RMDN1: variants seen among roughly 807,000 people sequenced by gnomAD.
RMDN1 encodes the protein regulator of microtubule dynamics 1, also known as regulator of microtubule dynamics protein 1.
A neutral mutation model predicts 48.9 loss-of-function variants in RMDN1; 48 were observed. The ratio of observed to expected loss-of-function variants is 0.98; its 90% CI spans 0.78 to 1.25. The LOEUF is 1.25. RMDN1 is among the 50% of genes most tolerant of loss of function. The pLI is 0.00. For missense variants in RMDN1, 418 were observed against 373.4 expected, an observed-to-expected ratio of 1.12 and a Z score of -0.98; for synonymous variants, 148 against 132.6, an observed-to-expected ratio of 1.12 and a Z score of -0.80.
In RMDN1 at chr8:86,474,924, G is replaced by GT; in HGVS notation, c.789dup (p.Leu264ThrfsTer34). On this transcript the variant is annotated frameshift_variant, in exon 9 of 10. Coordinates refer to ENST00000406452, the MANE Select transcript of RMDN1 (RefSeq NM_016033.3). LOFTEE classifies it high-confidence loss of function. ...TTCAAGTATGTCTTTCCTAAAAGAA[G>GT]TAAGTTTTTGCTGTAGAAGTTTGGA... 5.0e-6 allele frequency: 8 copies of GT among 1,610,538 alleles called. No individual in the cohort carries two copies. The highest frequency in any genetic ancestry group is 6.8e-6 in the Non-Finnish European group (8 of 1,178,912).
chr8:86,508,637 G>A lies in RMDN1; in HGVS notation c.-17C>T. ...CAGCGCCATGACCTGCAACTTGCGG[G>A]CTGACCCTGCACTACTTCAGGCAGC... On this transcript the variant is annotated 5_prime_UTR_variant, in exon 1 of 10. Transcript: ENST00000406452. 6.3e-7 allele frequency: 1 copy of A among 1,594,408 alleles called. No homozygotes were observed. Among genetic ancestry groups the A allele is most frequent in the Non-Finnish European group, 8.5e-7 (1 of 1,171,252 alleles).
At chr8:86,476,441 CTGAT>C (rs917779527) in intron 8 of RMDN1, among the ~76,000 whole-genome samples, 7 of 152,042 alleles carry the variant, frequency 4.6e-5, no homozygotes, top group Admixed American at 2.0e-4. Context: ...ATGTCTTCTC[CTGAT>C]TAAGTTTTAT....
intron 2 of RMDN1, 113 bp downstream of exon 2, chr8:86,506,882 C>T: frequency 3.1e-6 from 2 of 638,926 alleles, no homozygotes; most frequent in South Asian, 2.2e-5. Context: ...TGAATATTTC[C>T]ATATGGATTT....
upstream of RMDN1, among the ~76,000 whole-genome samples, chr8:86,511,221 T>G (rs1820032459): frequency 6.6e-6 from 1 of 151,724 alleles, no homozygotes; most frequent in Non-Finnish European, 1.5e-5. Flanking sequence ...ACGCCTGTAA[T>G]CCCAGCACTT....
At chr8:86,502,665 T>C (rs1041787210) in intron 2 of RMDN1, among the ~76,000 whole-genome samples, 7 of 152,196 alleles carry the variant, frequency 4.6e-5, no homozygotes, top group East Asian at 1.9e-4. Context: ...ATAAAATCTA[T>C]CTATCTCAAA....
downstream of RMDN1, among the ~76,000 whole-genome samples, chr8:86,471,043 A>G (rs781469999): frequency 3.3e-5 from 5 of 152,110 alleles, no homozygotes; most frequent in African/African-American, 4.8e-5. Context: ...TTTAAATATA[A>G]GGTCTGTGGT....
At chr8:86,492,685 TAATAA>T (rs1178356391) in intron 2 of RMDN1, among the ~76,000 whole-genome samples, 4 of 121,844 alleles carry the variant, frequency 3.3e-5, no homozygotes, top group African/African-American at 5.4e-5. Flanking sequence ...ATAATAATAA[TAATAA>T]AGAGATAATG....
downstream of RMDN1, among the ~76,000 whole-genome samples, chr8:86,469,385 C>T (rs1259403899): frequency 6.6e-6 from 1 of 152,164 alleles, no homozygotes; most frequent in African/African-American, 2.4e-5. Context: ...ACTGGGAAAT[C>T]TCCAGATACA....
chr8:86,490,987 A>G (rs927564318), intron 2 of RMDN1, among the ~76,000 whole-genome samples: 3 of 151,936 alleles, frequency 2.0e-5, no homozygotes, highest in Non-Finnish European at 4.4e-5. Flanking sequence ...GCAAGACACC[A>G]TATCTTTAAA....
intron 2 of RMDN1, among the ~76,000 whole-genome samples, chr8:86,497,015 T>G (rs566951275): frequency 6.6e-6 from 1 of 151,940 alleles, no homozygotes; most frequent in Non-Finnish European, 1.5e-5. Context: ...TACATGGAAA[T>G]TAAACAATTT....
intron 5 of RMDN1, chr8:86,482,196 G>A (rs966145320): frequency 4.9e-6 from 2 of 406,844 alleles, no homozygotes; most frequent in Non-Finnish European, 8.9e-6. Context: ...GAGGTCAGGA[G>A]TTTGAGACCA....
chr8:86,474,740 AT>A, intron 9 of RMDN1, 79 bp downstream of exon 9: 1 of 1,271,158 alleles, frequency 7.9e-7, no homozygotes, highest in Non-Finnish European at 1.1e-6. Context: ...TTAGAAAATT[AT>A]GCTTTTAAAG....
intron 8 of RMDN1, among the ~76,000 whole-genome samples, chr8:86,475,265 G>A (rs1037154436): frequency 1.2e-4 from 18 of 152,082 alleles, no homozygotes; most frequent in Non-Finnish European, 1.5e-4. Flanking sequence ...TGCTATTTGA[G>A]GACAGCAATA....
At chr8:86,501,162 A>C (rs542929273) in intron 2 of RMDN1, among the ~76,000 whole-genome samples, 41 of 152,292 alleles carry the variant, frequency 2.7e-4, no homozygotes, top group African/African-American at 9.1e-4. Context: ...TAATTTACCC[A>C]CGTGACAAAC....
intron 9 of RMDN1, 31 bp from the exon 10 acceptor site, chr8:86,474,389 A>G (rs1041372823): frequency 6.5e-7 from 1 of 1,532,122 alleles, no homozygotes; most frequent in Non-Finnish European, 9.0e-7. Flanking sequence ...TTATAAGTAA[A>G]CAGGAGAGCT....
intron 2 of RMDN1, among the ~76,000 whole-genome samples, chr8:86,500,702 A>T (rs1011911078): frequency 2.0e-5 from 3 of 152,142 alleles, no homozygotes; most frequent in African/African-American, 7.2e-5. Context: ...GAATATACCC[A>T]AAGAAAAACA....
chr8:86,482,991 G>A (rs1814812604), intron 5 of RMDN1: 1 of 683,794 alleles, frequency 1.5e-6, no homozygotes, highest in South Asian at 1.6e-5. Flanking sequence ...GCCCCTCGAT[G>A]AGCAGTGGCA....
At chr8:86,503,077 G>T (rs1204468098) in intron 2 of RMDN1, among the ~76,000 whole-genome samples, 1 of 152,118 alleles carries the variant, frequency 6.6e-6, no homozygotes, top group African/African-American at 2.4e-5. Flanking sequence ...AGTTAGGCCA[G>T]GTGCGGTGGC....
chr8:86,471,888 A>G (rs1812611863), downstream of RMDN1, among the ~76,000 whole-genome samples: 1 of 152,228 alleles, frequency 6.6e-6, no homozygotes, highest in African/African-American at 2.4e-5. Context: ...TGTTGCAAGA[A>G]GAAAAAGATG....
Sources: gnomAD v4.1 joint callset for allele counts (sites outside exome capture counted in the v4.1 genomes callset) on GRCh38, gnomAD v4.1.1 for gene constraint, MANE v1.5 for transcripts, NCBI Gene and HGNC (gene_info 2026-07-23, HGNC 2026-07-21) for gene names.